The following BLTP1 variants were observed in gnomAD, a reference collection of about 807,000 sequenced individuals.
The protein encoded by BLTP1 is fragile site-associated protein.
chr4:122,201,770 G>A, the BLTP1 span: 22 of 611,714 alleles, frequency 3.6e-5, no homozygotes, highest in East Asian at 1.4e-4. Context: ...ATTTGCCAGG[G>A]TCAGTTGGCT....
the BLTP1 span, chr4:122,344,316 C>G: frequency 6.6e-7 from 1 of 1,511,510 alleles, no homozygotes; most frequent in Non-Finnish European, 8.9e-7. Context: ...TTTCACCTAA[C>G]TAGACAGCTG....
the BLTP1 span, among the ~76,000 whole-genome samples, chr4:122,319,498 A>G: frequency 6.7e-6 from 1 of 150,294 alleles, no homozygotes; most frequent in East Asian, 1.9e-4. Flanking sequence ...TTTCTGGTTA[A>G]ATTCCACTGT....
At chr4:122,212,062 A>G in the BLTP1 span, 1 of 984,758 alleles carries the variant, frequency 1.0e-6, no homozygotes, top group Non-Finnish European at 1.2e-6. Context: ...ATGTACAGTA[A>G]TTAATTCTGG....
the BLTP1 span, among the ~76,000 whole-genome samples, chr4:122,210,623 G>A: frequency 6.6e-6 from 1 of 151,994 alleles, no homozygotes; most frequent in Non-Finnish European, 1.5e-5. Flanking sequence ...TAAGAATGTT[G>A]TTTATGTTAA....
At chr4:122,185,878 C>A in the BLTP1 span, 1 of 263,486 alleles carries the variant, frequency 3.8e-6, no homozygotes, top group Non-Finnish European at 5.9e-6. Flanking sequence ...CTTTTTTTGG[C>A]CAGTGTTTTG....
the BLTP1 span, chr4:122,331,376 T>G: frequency 6.2e-7 from 1 of 1,611,880 alleles, no homozygotes; most frequent in Admixed American, 1.7e-5. Context: ...CATCAGCTAT[T>G]TACAGAACGC....
chr4:122,174,484 A>T, the BLTP1 span: 1 of 1,542,498 alleles, frequency 6.5e-7, no homozygotes, highest in Non-Finnish European at 8.7e-7. Flanking sequence ...TTATTGAATA[A>T]ATTTAGTGCT....
At chr4:122,157,003 C>T in the BLTP1 span, among the ~76,000 whole-genome samples, 1 of 152,156 alleles carries the variant, frequency 6.6e-6, no homozygotes, top group African/African-American at 2.4e-5. Flanking sequence ...ATGGTTCACT[C>T]TTGTAATCAG....
the BLTP1 span, chr4:122,306,177 C>CAA: frequency 3.9e-6 from 3 of 777,120 alleles, no homozygotes; most frequent in African/African-American, 1.9e-5. Flanking sequence ...TGTGTGTATC[C>CAA]AAAAAAAAAA....
At chr4:122,273,169 CCAT>C in the BLTP1 span, 1 of 930,090 alleles carries the variant, frequency 1.1e-6, no homozygotes, top group South Asian at 5.0e-5. Context: ...TTATCAATCA[CCAT>C]GTGTTTTTAT....
At chr4:122,193,628 G>T in the BLTP1 span, 1 of 768,994 alleles carries the variant, frequency 1.3e-6, no homozygotes. Context: ...AAGTTTTTAT[G>T]TACAAAATTA....
the BLTP1 span, chr4:122,304,993 GAAT>G: frequency 6.2e-7 from 1 of 1,608,458 alleles, no homozygotes; most frequent in South Asian, 1.1e-5. Flanking sequence ...GGTGAGTACA[GAAT>G]ATGTTGATGT....
chr4:122,286,105 T>A, the BLTP1 span, among the ~76,000 whole-genome samples: 124 of 152,340 alleles, frequency 8.1e-4, no homozygotes, highest in African/African-American at 2.8e-3. Context: ...CAATTTTAGC[T>A]ACTTCCACAC....
At chr4:122,260,633 T>C in the BLTP1 span, among the ~76,000 whole-genome samples, 1 of 152,052 alleles carries the variant, frequency 6.6e-6, no homozygotes, top group African/African-American at 2.4e-5. Context: ...GAGAATCAAA[T>C]TGGTGCAACC....
the BLTP1 span, chr4:122,266,851 A>G: frequency 3.7e-6 from 6 of 1,611,662 alleles, no homozygotes; most frequent in Non-Finnish European, 5.1e-6. Flanking sequence ...TCTGCTACCG[A>G]ATGTACTTTG....
the BLTP1 span, among the ~76,000 whole-genome samples, chr4:122,329,688 C>T: frequency 1.3e-5 from 2 of 151,506 alleles, no homozygotes; most frequent in Admixed American, 6.6e-5. Flanking sequence ...TTAGTGTAAC[C>T]ATATTTTCCA....
the BLTP1 span, chr4:122,249,555 G>A: frequency 1.2e-6 from 2 of 1,613,676 alleles, no homozygotes; most frequent in South Asian, 1.1e-5. Flanking sequence ...TTGAAGAGTT[G>A]GATGAATTTA....
the BLTP1 span, among the ~76,000 whole-genome samples, chr4:122,334,781 C>T: frequency 1.3e-4 from 20 of 151,808 alleles, no homozygotes; most frequent in South Asian, 2.1e-4. Context: ...AAATAGTTTA[C>T]GTAATTAAAT....
chr4:122,202,756 C>T, the BLTP1 span, among the ~76,000 whole-genome samples: 1 of 152,020 alleles, frequency 6.6e-6, no homozygotes, highest in East Asian at 1.9e-4. Flanking sequence ...CTAGCACTTT[C>T]ATTTACACTA....
Sources: gnomAD v4.1 joint callset for allele counts (sites outside exome capture counted in the v4.1 genomes callset) on GRCh38, gnomAD v4.1.1 for gene constraint, MANE v1.5 for transcripts, NCBI Gene and HGNC (gene_info 2026-07-23, HGNC 2026-07-21) for gene names.